The following CDH8 variants were observed in gnomAD, a reference collection of about 807,000 sequenced individuals.
The protein encoded by CDH8 is cadherin-8.
Under a neutral mutation model 68.1 loss-of-function variants are expected in CDH8, and 17 were observed. The ratio of observed to expected loss-of-function variants is 0.25; its 90% CI spans 0.17 to 0.37. CDH8 has a LOEUF of 0.37. Ranked by LOEUF, CDH8 falls within the 10% of genes least tolerant of loss-of-function variation. The probability of loss-of-function intolerance (pLI) is 1.00; values close to 1 mark genes in which losing one functional copy is unlikely to be tolerated. For missense variants in CDH8, 763 were observed against 999.3 expected (o/e 0.76, Z 3.19); for synonymous variants, 372 against 365.1 (o/e 1.02, Z -0.21).
intron 10 of CDH8, among the ~76,000 whole-genome samples, chr16:61,663,626 C>A (rs1360547399): frequency 6.6e-6 from 1 of 151,876 alleles, no homozygotes; most frequent in East Asian, 1.9e-4. Context: ...GGAATGGTTT[C>A]AGTTTTAAGG....
chr16:62,003,515 G>A (rs1214748813), intron 2 of CDH8, among the ~76,000 whole-genome samples: 1 of 144,414 alleles, frequency 6.9e-6, no homozygotes, highest in East Asian at 2.2e-4. Context: ...TGCGTGAACA[G>A]TTTGTAATGC....
At chr16:61,838,897 TA>T (rs1962624270) in intron 4 of CDH8, among the ~76,000 whole-genome samples, 1 of 152,142 alleles carries the variant, frequency 6.6e-6, no homozygotes, top group Non-Finnish European at 1.5e-5. Context: ...TGAAAAACAC[TA>T]ATCTTTTGTC....
intron 10 of CDH8, among the ~76,000 whole-genome samples, chr16:61,690,334 G>A (rs561971127): frequency 7.2e-5 from 11 of 152,078 alleles, no homozygotes; most frequent in South Asian, 2.1e-4. Context: ...TTCTGAAACC[G>A]TAGAATAACT....
chr16:61,782,307 C>T (rs907118869), intron 8 of CDH8, among the ~76,000 whole-genome samples: 46 of 152,260 alleles, frequency 3.0e-4, no homozygotes, highest in African/African-American at 6.5e-4. Flanking sequence ...GTTCCCTTTC[C>T]GAGTCAAAGA....
intron 10 of CDH8, among the ~76,000 whole-genome samples, chr16:61,690,037 T>A (rs1434095897): frequency 6.6e-6 from 1 of 152,108 alleles, no homozygotes; most frequent in African/African-American, 2.4e-5. Context: ...CACAATTCCA[T>A]AAAAGTTGAC....
intron 2 of CDH8, among the ~76,000 whole-genome samples, chr16:61,965,194 C>T (rs961442998): frequency 6.6e-6 from 1 of 152,152 alleles, no homozygotes; most frequent in Non-Finnish European, 1.5e-5. Context: ...ACAAAGTGGT[C>T]CATTTATGAC....
chr16:61,671,022 A>C (rs1864972283), intron 10 of CDH8, among the ~76,000 whole-genome samples: 1 of 152,192 alleles, frequency 6.6e-6, no homozygotes, highest in Admixed American at 6.6e-5. Context: ...AGGGGGAACT[A>C]TTGCATCTGA....
intron 2 of CDH8, among the ~76,000 whole-genome samples, chr16:61,952,812 A>T (rs1484381691): frequency 6.6e-6 from 1 of 152,168 alleles, no homozygotes; most frequent in East Asian, 1.9e-4. Flanking sequence ...AAATCAAATT[A>T]TATCCCCTCT....
Position 61,647,703 on chromosome 16 carries a change from T to G in CDH8, c.*5905A>C. 9.0e-6 allele frequency: 6 copies of G among 665,124 alleles called. No individual in the cohort carries two copies. The South Asian group carries it at 9.8e-5, about 11-fold the overall frequency. The allele number at this position is 665,124 out of a possible 1,614,324, so 41.2% of individuals were successfully genotyped here. ...AAATTTTCCTCTTATTTTTGAGGAATCATAGGATGGCCTGAAGTTCTTTGC... is the reference window on the plus strand; with the variant it reads ...AAATTTTCCTCTTATTTTTGAGGAAGCATAGGATGGCCTGAAGTTCTTTGC... On this transcript the variant is annotated 3_prime_UTR_variant, in exon 12 of 12. Coordinates refer to ENST00000577390, the MANE Select transcript of CDH8 (RefSeq NM_001796.5).
chr16:61,816,854 A>G (rs1596992628), intron 7 of CDH8, among the ~76,000 whole-genome samples: 1 of 152,288 alleles, frequency 6.6e-6, no homozygotes, highest in East Asian at 1.9e-4. Flanking sequence ...AAAAATTTTG[A>G]GCAGAAAAAC....
At chr16:61,747,548 A>G (rs990851094) in intron 8 of CDH8, among the ~76,000 whole-genome samples, 2 of 152,104 alleles carry the variant, frequency 1.3e-5, no homozygotes, top group Non-Finnish European at 1.5e-5. Flanking sequence ...CAAAGCAACA[A>G]GCTTATTCCA....
At chr16:61,930,122 AAAC>A (rs2143469995) in intron 2 of CDH8, among the ~76,000 whole-genome samples, 1 of 152,296 alleles carries the variant, frequency 6.6e-6, no homozygotes, top group Non-Finnish European at 1.5e-5. Flanking sequence ...GAGAGCTGAA[AAAC>A]AACTACTTAC....
chr16:61,867,322 T>C (rs1236687014), intron 3 of CDH8, among the ~76,000 whole-genome samples: 1 of 152,132 alleles, frequency 6.6e-6, no homozygotes, highest in African/African-American at 2.4e-5. Context: ...TCCTGCTGTG[T>C]CAAGCTTCAG....
chr16:61,911,390 T>C (rs1447606266), intron 2 of CDH8, among the ~76,000 whole-genome samples: 2 of 152,138 alleles, frequency 1.3e-5, no homozygotes, highest in Non-Finnish European at 2.9e-5. Flanking sequence ...ATGAATAAAC[T>C]AATAGATGCA....
intron 2 of CDH8, among the ~76,000 whole-genome samples, chr16:61,930,270 AAC>A (rs369686237): frequency 0.02 from 2,886 of 143,716 alleles, 55 homozygotes; most frequent in East Asian, 0.069. Flanking sequence ...AAAGTTAGAA[AAC>A]ACACACACAC....
intron 2 of CDH8, among the ~76,000 whole-genome samples, chr16:61,964,242 T>C (rs1965208379): frequency 3.3e-5 from 5 of 152,136 alleles, no homozygotes; most frequent in Non-Finnish European, 1.5e-5. Flanking sequence ...AAAAGATTAA[T>C]AGAAACAAGT....
chr16:61,656,335 A>G (rs1363102127), intron 10 of CDH8, among the ~76,000 whole-genome samples: 1 of 151,742 alleles, frequency 6.6e-6, no homozygotes, highest in Non-Finnish European at 1.5e-5. Flanking sequence ...ATATTATCTC[A>G]TCTCCATATA....
Position 61,680,510 on chromosome 16 carries a change from T to C in CDH8, c.1655-24789A>G, listed in dbSNP as rs1049282823. Among the ~76,000 whole-genome samples the C allele has an allele frequency of 1.5e-4, 23 of 151,952 alleles. 1 individual carries two copies. The highest frequency in any genetic ancestry group is 9.9e-4 in the Admixed American group (15 of 15,208). On this transcript the variant is annotated intron_variant, in intron 10 of 11. Coordinates refer to ENST00000577390, the MANE Select transcript of CDH8 (RefSeq NM_001796.5). Reference sequence around the variant, plus strand: ...CCTTCTGTAGGTAAATTCCTTCTCATACTTTACATCTTAGCTCAATCATTA... The same window carrying C: ...CCTTCTGTAGGTAAATTCCTTCTCACACTTTACATCTTAGCTCAATCATTA...
intron 10 of CDH8, among the ~76,000 whole-genome samples, chr16:61,668,124 C>A (rs1411010723): frequency 6.6e-6 from 1 of 151,962 alleles, no homozygotes; most frequent in African/African-American, 2.4e-5. Flanking sequence ...ATATATCCAA[C>A]ACTATACTCT....
Sources: gnomAD v4.1 joint callset for allele counts (sites outside exome capture counted in the v4.1 genomes callset) on GRCh38, gnomAD v4.1.1 for gene constraint, MANE v1.5 for transcripts, NCBI Gene and HGNC (gene_info 2026-07-23, HGNC 2026-07-21) for gene names.